SEC24A: variants seen among roughly 807,000 people sequenced by gnomAD.
The protein encoded by SEC24A is protein transport protein Sec24A.
Under a neutral mutation model 129.4 loss-of-function variants are expected in SEC24A, and 93 were observed. That is an observed-to-expected ratio of 0.72 (90% confidence interval 0.61 to 0.85). SEC24A has a LOEUF of 0.85. Ranked by LOEUF, SEC24A falls within the 40% of genes least tolerant of loss-of-function variation. The pLI is 0.00. For missense variants in SEC24A, 1,264 were observed against 1,307.4 expected, an observed-to-expected ratio of 0.97 and a Z score of 0.51; for synonymous variants, 460 against 467.3, an observed-to-expected ratio of 0.98 and a Z score of 0.20.
At chr5:134,704,821 A>G (rs1436138604) in intron 16 of SEC24A, among the ~76,000 whole-genome samples, 12 of 148,546 alleles carry the variant, frequency 8.1e-5, no homozygotes, top group Admixed American at 2.7e-4. Context: ...AAAAAAAAGG[A>G]TGAAATTTTT....
At position 134,666,935 on chromosome 5, in the gene SEC24A, C is replaced by T; in HGVS notation, c.678C>T (p.Pro226=). ...GGPPPVRALT[P]LTSSYRDVPQ... ...CACCCCCAGTGAGGGCCCTCACGCC[C>T]CTGACATCATCATATAGAGATGTAC... The change falls in exon 3 of 23, where the codon CCC becomes CCT. Residue 226 remains proline (P), a synonymous_variant. Coordinates refer to ENST00000398844, the MANE Select transcript of SEC24A (RefSeq NM_021982.3). 6.2e-7 allele frequency: 1 copy of T among 1,613,708 alleles called. No individual in the cohort carries two copies. Among genetic ancestry groups the T allele is most frequent in the South Asian group, 1.1e-5 (1 of 91,054 alleles).
intron 7 of SEC24A, among the ~76,000 whole-genome samples, chr5:134,677,751 C>T (rs748194111): frequency 1.3e-5 from 2 of 151,186 alleles, no homozygotes; most frequent in Admixed American, 6.6e-5. Context: ...GCAAGGGAAT[C>T]GCTTGAACCC....
intron 1 of SEC24A, among the ~76,000 whole-genome samples, chr5:134,659,556 T>C (rs909272893): frequency 1.3e-5 from 2 of 152,140 alleles, no homozygotes; most frequent in Non-Finnish European, 2.9e-5. Context: ...CATGTAATAG[T>C]TACTCACAAT....
In SEC24A at chr5:134,661,530, A is replaced by G; in HGVS notation, c.509A>G (p.Asn170Ser). 6.2e-7 allele frequency: 1 copy of G among 1,614,128 alleles called. No individual in the cohort carries two copies. Among genetic ancestry groups the G allele is most frequent in the African/African-American group, 1.3e-5 (1 of 75,044 alleles). Residue 170 changes from asparagine to serine, a missense_variant, in exon 2 of 23, where the codon AAT becomes AGT. Transcript: ENST00000398844. ...TCTGGAAATACAAGTTTAACCACAAATCATCAATATGTTTCTTCTGGATAT... is the reference window on the plus strand; with the variant it reads ...TCTGGAAATACAAGTTTAACCACAAGTCATCAATATGTTTCTTCTGGATAT... ...TVSGNTSLTT[N>S]HQYVSSGYPS... is the part of the protein sequence containing the mutation.
At chr5:134,695,431 A>G (rs1432164758) in intron 13 of SEC24A, among the ~76,000 whole-genome samples, 1 of 150,636 alleles carries the variant, frequency 6.6e-6, no homozygotes, top group Non-Finnish European at 1.5e-5. Context: ...GCAGGCGGAT[A>G]ACCTGAGGTC....
rs535302923 is a variant in SEC24A at position 134,697,362 on chromosome 5, TAATC to T, written c.2107+118_2107+121del. 169 of 824,956 alleles carry T rather than the reference TAATC, an allele frequency of 2.0e-4. No individual in the cohort carries two copies. The African/African-American group carries it at 2.3e-3, about 11-fold the overall frequency. The allele number at this position is 824,956 out of a possible 1,614,324, so 51.1% of individuals were successfully genotyped here. ...AGAATATGTATGCCCTTGGGAAAGT[TAATC>T]AGTCAGTTTAGTCTATTAAAAACCT... On this transcript the variant is annotated intron_variant, in intron 14 of 22. Coordinates refer to ENST00000398844, the MANE Select transcript of SEC24A (RefSeq NM_021982.3).
At chr5:134,674,557 TA>T (rs1750985030) in intron 4 of SEC24A, 57 bp from the exon 5 acceptor site, 6 of 1,497,500 alleles carry the variant, frequency 4.0e-6, no homozygotes, top group Non-Finnish European at 5.4e-6. Context: ...TTTTTTAAAA[TA>T]AATAAATCAA....
intron 13 of SEC24A, 76 bp from the exon 14 acceptor site, chr5:134,697,050 T>C: frequency 1.3e-6 from 1 of 777,600 alleles, no homozygotes; most frequent in East Asian, 2.7e-5. Flanking sequence ...CATCATGATG[T>C]ATGTAGATGT....
Position 134,688,251 on chromosome 5 carries a change from C to G in SEC24A, c.1675C>G (p.Gln559Glu). ...FDSTIHFYGL[Q>E]ESLSQPQMLI... ...CAGTACAATCCATTTCTACGGTCTT[C>G]AGGAAAGTCTCTCTCAACCTCAGAT... Residue 559 changes from glutamine to glutamate, a missense_variant, in exon 11 of 23, where the codon CAG becomes GAG. Physicochemically the swap from Gln to Glu is conservative, Grantham distance 29 (BLOSUM62 2). Transcript: ENST00000398844. The G allele has an allele frequency of 6.2e-7, 1 of 1,612,140 alleles. No homozygotes were observed. Among genetic ancestry groups the G allele is most frequent in the Non-Finnish European group, 8.5e-7 (1 of 1,178,370 alleles).
chr5:134,660,363 C>CTCAA lies in SEC24A; in HGVS notation c.98-741_98-738dup, dbSNP rs776820173. Among the ~76,000 whole-genome samples, 14 of 152,110 alleles carry CTCAA rather than the reference C, an allele frequency of 9.2e-5. No individual in the cohort carries two copies. In the South Asian group the frequency reaches 2.3e-3, roughly 25 times the overall value. On this transcript the variant is annotated intron_variant, in intron 1 of 22. Coordinates refer to ENST00000398844, the MANE Select transcript of SEC24A (RefSeq NM_021982.3). ...CTTGGATGACAGAGTAAAGTGCTGT[C>CTCAA]TCAATCAATCAATCAATCCATAAGT... is the stretch of plus-strand genomic sequence containing the variant.
intron 1 of SEC24A, among the ~76,000 whole-genome samples, chr5:134,650,645 C>T (rs1458460282): frequency 6.6e-6 from 1 of 151,798 alleles, no homozygotes; most frequent in Admixed American, 6.6e-5. Flanking sequence ...AAGCGATTCT[C>T]CTGCCTCCTT....
chr5:134,715,458 C>T (rs1752449086), intron 19 of SEC24A: 1 of 244,202 alleles, frequency 4.1e-6, no homozygotes. Context: ...TAACAACTGA[C>T]ATTTTAAAAG....
chr5:134,689,449 G>GATA (rs1269480665), intron 11 of SEC24A, among the ~76,000 whole-genome samples: 1 of 152,190 alleles, frequency 6.6e-6, no homozygotes, highest in Non-Finnish European at 1.5e-5. Context: ...CAGATGAATA[G>GATA]ATAAATAAAA....
intron 1 of SEC24A, among the ~76,000 whole-genome samples, chr5:134,658,255 A>G (rs1367423566): frequency 6.6e-6 from 1 of 152,196 alleles, no homozygotes; most frequent in Non-Finnish European, 1.5e-5. Context: ...TGGGCAACAG[A>G]GCGAGACTCT....
At chr5:134,705,090 A>ATATATATATATATATATATAT (rs1180461537) in intron 16 of SEC24A, among the ~76,000 whole-genome samples, 2 of 123,304 alleles carry the variant, frequency 1.6e-5, no homozygotes, top group South Asian at 2.5e-4. Context: ...ATATATATAT[A>ATATATATATATATATATATAT]TTTTTTTTTT....
chr5:134,692,523 A>T, intron 11 of SEC24A, 79 bp from the exon 12 acceptor site: 1 of 711,434 alleles, frequency 1.4e-6, no homozygotes, highest in Non-Finnish European at 2.4e-6. Flanking sequence ...GGGGGTGGTT[A>T]ATTGCATTAG....
Position 134,718,215 on chromosome 5 carries a change from A to G in SEC24A, c.2970+42A>G, listed in dbSNP as rs759578845. 38 of 1,360,028 alleles carry G rather than the reference A, an allele frequency of 2.8e-5. 1 individual carries two copies. In the South Asian group the frequency reaches 3.7e-4, roughly 13 times the overall value. The allele number at this position is 1,360,028 out of a possible 1,614,324, so 84.2% of individuals were successfully genotyped here. On this transcript the variant is annotated intron_variant, in intron 20 of 22. Transcript: ENST00000398844. ...ATCCTGACCCTCACTGCAAACTACTATACTGTTTTAATTTAGCATTTGGTT... is the reference window on the plus strand; with the variant it reads ...ATCCTGACCCTCACTGCAAACTACTGTACTGTTTTAATTTAGCATTTGGTT...
At chr5:134,688,388 T>C in intron 11 of SEC24A, 89 bp downstream of exon 11, 3 of 776,370 alleles carry the variant, frequency 3.9e-6, no homozygotes, top group Non-Finnish European at 6.6e-6. Context: ...TTGTTTGTAG[T>C]ATGTCAAGGA....
In SEC24A at chr5:134,708,693, C is replaced by G. The variant is rs1214930956; in HGVS notation, c.2552-20C>G. ...ACTTCTATCATATTTCTTTTTTGTCCTTACCCTCACCTTGCTTAGCTGTTG... is the reference window on the plus strand; with the variant it reads ...ACTTCTATCATATTTCTTTTTTGTCGTTACCCTCACCTTGCTTAGCTGTTG... On this transcript the variant is annotated intron_variant, in intron 17 of 22. Transcript: ENST00000398844. The G allele has an allele frequency of 1.3e-6, 2 of 1,594,746 alleles. No individual in the cohort carries two copies. Among genetic ancestry groups the G allele is most frequent in the Admixed American group, 1.8e-5 (1 of 54,900 alleles).
Sources: gnomAD v4.1 joint callset for allele counts (sites outside exome capture counted in the v4.1 genomes callset) on GRCh38, gnomAD v4.1.1 for gene constraint, MANE v1.5 for transcripts, NCBI Gene and HGNC (gene_info 2026-07-23, HGNC 2026-07-21) for gene names.